The following DOCK8 variants were observed in gnomAD, a reference collection of about 807,000 sequenced individuals.
DOCK8 encodes dedicator of cytokinesis protein 8.
A neutral mutation model predicts 245.6 loss-of-function variants in DOCK8; 141 were observed. That is an observed-to-expected ratio of 0.57 (90% confidence interval 0.50 to 0.66). DOCK8 has a LOEUF of 0.66. Ranked by LOEUF, DOCK8 falls within the 30% of genes least tolerant of loss-of-function variation. The probability of loss-of-function intolerance (pLI) is 0.00; values close to 1 mark genes in which losing one functional copy is unlikely to be tolerated. For missense variants in DOCK8, 2,965 were observed against 2,603.4 expected (o/e 1.14, Z -3.02); for synonymous variants, 1,168 against 970.2 (o/e 1.20, Z -3.79).
chr9:233,830 A>C (rs1334185091), intron 1 of DOCK8, among the ~76,000 whole-genome samples: 2 of 151,960 alleles, frequency 1.3e-5, no homozygotes, highest in African/African-American at 4.8e-5. Flanking sequence ...CAGCACACTG[A>C]TGGGTCTTGA....
chr9:334,151 G>A, intron 10 of DOCK8, 74 bp from the exon 11 acceptor site: 2 of 1,552,888 alleles, frequency 1.3e-6, no homozygotes, highest in South Asian at 2.2e-5. Flanking sequence ...GGAGATGGCT[G>A]TCATATTCAG....
intron 2 of DOCK8, among the ~76,000 whole-genome samples, chr9:274,354 G>A (rs925219726): frequency 6.6e-6 from 1 of 152,034 alleles, no homozygotes; most frequent in Non-Finnish European, 1.5e-5. Flanking sequence ...CAGTTATTCC[G>A]CTTTACTTTT....
At chr9:401,575 C>T (rs559684532) in intron 26 of DOCK8, among the ~76,000 whole-genome samples, 5 of 152,190 alleles carry the variant, frequency 3.3e-5, no homozygotes, top group Admixed American at 1.3e-4. Context: ...GCAAAGGAGG[C>T]AGGCACTAAA....
At position 418,173 on chromosome 9, in the gene DOCK8, A is replaced by G. The variant is rs758116479; in HGVS notation, c.3806A>G (p.Asn1269Ser). ...VALAIAGNNF[N>S]LKTSGIVLSS... The stretch of plus-strand genomic sequence containing the variant: ...CTGGCCATAGCAGGGAATAATTTCA[A>G]TTTGAAAACAAGTGGAATAGTGCTG... The change falls in exon 30 of 48, where the codon AAT becomes AGT. Residue 1269 changes from asparagine (N) to serine (S), a missense_variant. Coordinates refer to ENST00000432829, the MANE Select transcript of DOCK8 (RefSeq NM_203447.4). 5 of 1,614,098 alleles carry G rather than the reference A, an allele frequency of 3.1e-6. No individual in the cohort carries two copies. Among genetic ancestry groups the G allele is most frequent in the East Asian group, 4.5e-5 (2 of 44,898 alleles).
chr9:332,567 G>T (rs1196156977), intron 10 of DOCK8, 89 bp downstream of exon 10: 2 of 814,852 alleles, frequency 2.5e-6, no homozygotes, highest in East Asian at 5.9e-5. Context: ...ATGGGCTTTA[G>T]TCCCTAATGT....
chr9:460,674 G>A (rs537068857), intron 46 of DOCK8, among the ~76,000 whole-genome samples: 1 of 152,350 alleles, frequency 6.6e-6, no homozygotes, highest in East Asian at 1.9e-4. Context: ...TTCAGATTCT[G>A]TGTGAGTTAA....
At chr9:412,813 A>T (rs546781151) in intron 28 of DOCK8, among the ~76,000 whole-genome samples, 2 of 152,148 alleles carry the variant, frequency 1.3e-5, no homozygotes, top group African/African-American at 4.8e-5. Context: ...TATTATTAAA[A>T]TAGCAATACT....
In DOCK8 at chr9:371,398, T is replaced by C. The variant is rs771224239; in HGVS notation, c.1869-30T>C. ...GAGAAGTCATCATTCTTGCTAAAAGTTATTTGTGTATAATGTGCTTTTGAA... is the reference window on the plus strand; with the variant it reads ...GAGAAGTCATCATTCTTGCTAAAAGCTATTTGTGTATAATGTGCTTTTGAA... On this transcript the variant is annotated intron_variant, in intron 16 of 47. Coordinates refer to ENST00000432829, the MANE Select transcript of DOCK8 (RefSeq NM_203447.4). 3.1e-6 allele frequency: 5 copies of C among 1,614,004 alleles called. No individual in the cohort carries two copies. In the East Asian group the frequency reaches 6.7e-5, roughly 22 times the overall value.
At position 464,525 on chromosome 9, in the gene DOCK8, C is replaced by T. The variant is rs1017746362; in HGVS notation, c.*306C>T. The T allele has an allele frequency of 4.3e-5, 20 of 464,638 alleles. No individual in the cohort carries two copies. Among genetic ancestry groups the T allele is most frequent in the Middle Eastern group, 6.1e-4 (1 of 1,628 alleles). 28.8% of individuals were successfully genotyped at this position (464,638 alleles called of 1,614,324 possible). ...TAAGCAGCTTCTCCTGCTGACTGGC[C>T]AATCACTGCCCATCTGAGAGATGAT... On this transcript the variant is annotated 3_prime_UTR_variant, in exon 48 of 48. Coordinates refer to ENST00000432829, the MANE Select transcript of DOCK8 (RefSeq NM_203447.4).
chr9:301,338 A>C (rs760038928), intron 4 of DOCK8, among the ~76,000 whole-genome samples: 2 of 152,212 alleles, frequency 1.3e-5, no homozygotes, highest in Non-Finnish European at 2.9e-5. Flanking sequence ...GAAAGAACAT[A>C]CCTCAAAATA....
At chr9:436,919 C>T (rs570096650) in intron 39 of DOCK8, among the ~76,000 whole-genome samples, 25 of 152,166 alleles carry the variant, frequency 1.6e-4, no homozygotes, top group African/African-American at 5.1e-4. Flanking sequence ...ATTTATGGTC[C>T]AGGCCCTGTG....
intron 9 of DOCK8, among the ~76,000 whole-genome samples, chr9:331,875 A>G (rs776025536): frequency 6.6e-6 from 1 of 152,230 alleles, no homozygotes; most frequent in Non-Finnish European, 1.5e-5. Context: ...AAGGGAGACA[A>G]TTACAGATAA....
In DOCK8 at chr9:441,969, C is replaced by T. The variant is rs1204983112; in HGVS notation, c.5450C>T (p.Pro1817Leu). 6.2e-7 allele frequency: 1 copy of T among 1,614,018 alleles called. No homozygotes were observed. The highest frequency in any genetic ancestry group is 1.1e-5 in the South Asian group (1 of 91,076). The change falls in exon 42 of 48, where the codon CCT becomes CTT. Residue 1817 changes from proline to leucine, a missense_variant. This residue lies in a region of DOCK8 where 2,825 missense variants were observed against 2,453.5 expected (regional missense o/e 1.15). Coordinates refer to ENST00000432829, the MANE Select transcript of DOCK8 (RefSeq NM_203447.4). The stretch of plus-strand genomic sequence containing the variant: ...GAACAGGAGTTTGTCTACAAAGAGC[C>T]TGCAATTACCAAGCTTCCTGAGATC... ...LDEQEFVYKE[P>L]AITKLPEISH...
chr9:372,413 G>T (rs1423244100), intron 18 of DOCK8, 127 bp downstream of exon 18: 4 of 787,424 alleles, frequency 5.1e-6, no homozygotes, highest in Non-Finnish European at 8.9e-6. Flanking sequence ...ACATTGTTCT[G>T]ATAGGATGGG....
chr9:397,401 A>G (rs900404787), intron 25 of DOCK8, among the ~76,000 whole-genome samples: 3 of 148,986 alleles, frequency 2.0e-5, no homozygotes, highest in African/African-American at 7.4e-5. Context: ...TTAAATGATC[A>G]TATCAGGCTG....
intron 9 of DOCK8, among the ~76,000 whole-genome samples, chr9:331,216 A>G (rs2050995101): frequency 1.3e-5 from 2 of 152,228 alleles, no homozygotes; most frequent in Non-Finnish European, 2.9e-5. Context: ...CTCAACAATA[A>G]GTAAACGATT....
rs992663782 is a variant in DOCK8 at position 356,504 on chromosome 9, T to A, written c.1680-11514T>A. ...GAGATTGCACCACTGCACTCCAGCC[T>A]GGGCTACAGAGCGAGACTCTGTCTC... On this transcript the variant is annotated intron_variant, in intron 14 of 47. Transcript: ENST00000432829. Among the ~76,000 whole-genome samples the A allele has an allele frequency of 4.9e-5, 7 of 143,632 alleles. No individual in the cohort carries two copies. The South Asian group carries it at 6.5e-4, about 13-fold the overall frequency. The allele number at this position is 143,632 out of a possible 152,430, so 94.2% of individuals were successfully genotyped here. A position where few individuals can be genotyped will look rare whatever the true frequency, so the allele number is the denominator to read the frequency against.
At chr9:387,448 A>G (rs2054002136) in intron 23 of DOCK8, among the ~76,000 whole-genome samples, 1 of 151,938 alleles carries the variant, frequency 6.6e-6, no homozygotes, top group South Asian at 2.1e-4. Context: ...ATTTCAAAAA[A>G]AAAAAAAAAG....
chr9:289,725 C>G (rs2048962843), intron 4 of DOCK8, 144 bp downstream of exon 4: 1 of 659,488 alleles, frequency 1.5e-6, no homozygotes, highest in South Asian at 1.9e-5. Flanking sequence ...CTTCCTTATC[C>G]CCACTCCATA....
Sources: allele counts gnomAD v4.1 joint callset (sites outside exome capture counted in the v4.1 genomes callset), GRCh38; gene constraint gnomAD v4.1.1; regional missense constraint gnomAD v4.1.1; transcripts MANE v1.5; gene names NCBI Gene and HGNC (gene_info 2026-07-23, HGNC 2026-07-21).